DGKB: variants seen among roughly 807,000 people sequenced by gnomAD.
DGKB encodes 90 kDa diacylglycerol kinase.
A neutral mutation model predicts 114.3 loss-of-function variants in DGKB; 67 were observed. The observed-to-expected ratio is 0.59, with a 90% CI of 0.48 to 0.72. The LOEUF (loss-of-function observed/expected upper bound fraction) is 0.72. Among genes scored for constraint, DGKB ranks in the 30% least tolerant of loss-of-function variants. DGKB has a pLI of 0.00. For synonymous variants in DGKB, 398 were observed against 323.1 expected, an observed-to-expected ratio of 1.23 and a Z score of -2.49; for missense variants, 907 against 975.2, an observed-to-expected ratio of 0.93 and a Z score of 0.93.
intron 17 of DGKB, among the ~76,000 whole-genome samples, chr7:14,601,127 G>A (rs1426677087): frequency 3.3e-5 from 5 of 152,194 alleles, no homozygotes; most frequent in Admixed American, 3.3e-4. Flanking sequence ...GCACCAGCTG[G>A]ATGCTGCAAA....
At chr7:14,555,731 A>G (rs1356271594) in intron 20 of DGKB, among the ~76,000 whole-genome samples, 1 of 152,214 alleles carries the variant, frequency 6.6e-6, no homozygotes, top group African/African-American at 2.4e-5. Flanking sequence ...AACAGGTTGT[A>G]GTAAAGAAGC....
At chr7:14,717,422 C>G (rs749650998) in intron 6 of DGKB, among the ~76,000 whole-genome samples, 1 of 152,016 alleles carries the variant, frequency 6.6e-6, no homozygotes, top group Non-Finnish European at 1.5e-5. Context: ...TGGAATGAGA[C>G]AGATTTCTGT....
At chr7:14,948,528 A>G (rs1305089763) in intron 1 of DGKB, among the ~76,000 whole-genome samples, 1 of 151,864 alleles carries the variant, frequency 6.6e-6, no homozygotes, top group Non-Finnish European at 1.5e-5. Context: ...AGATCTGTAT[A>G]CTAAAAAATA....
intron 10 of DGKB, among the ~76,000 whole-genome samples, chr7:14,684,778 T>C (rs1458566538): frequency 6.6e-6 from 1 of 152,186 alleles, no homozygotes; most frequent in Non-Finnish European, 1.5e-5. Context: ...TTCGTATATC[T>C]TGCGATTTCC....
At chr7:14,335,891 C>T (rs1810561666) in intron 23 of DGKB, among the ~76,000 whole-genome samples, 1 of 152,008 alleles carries the variant, frequency 6.6e-6, no homozygotes, top group Non-Finnish European at 1.5e-5. Context: ...GTAGTTGGGA[C>T]TGTAGGCCTG....
chr7:14,289,166 T>A, intron 23 of DGKB, among the ~76,000 whole-genome samples: 1 of 151,996 alleles, frequency 6.6e-6, no homozygotes, highest in Non-Finnish European at 1.5e-5. Context: ...AACTCAATAT[T>A]TAGTGTACAT....
intron 23 of DGKB, among the ~76,000 whole-genome samples, chr7:14,256,583 T>C (rs542942538): frequency 6.6e-6 from 1 of 152,320 alleles, no homozygotes; most frequent in African/African-American, 2.4e-5. Flanking sequence ...TGATCTGTTT[T>C]ACATGTTTTA....
At chr7:14,390,529 A>C (rs1172619858) in intron 21 of DGKB, among the ~76,000 whole-genome samples, 1 of 152,200 alleles carries the variant, frequency 6.6e-6, no homozygotes, top group African/African-American at 2.4e-5. Flanking sequence ...GTGATAATGT[A>C]GGAATAATTT....
chr7:14,911,494 A>G (rs1376701814), intron 1 of DGKB, among the ~76,000 whole-genome samples: 1 of 152,082 alleles, frequency 6.6e-6, no homozygotes, highest in African/African-American at 2.4e-5. Flanking sequence ...TTTTCCTCCC[A>G]CTATGGCTCC....
intron 23 of DGKB, among the ~76,000 whole-genome samples, chr7:14,318,498 A>G (rs1461132092): frequency 6.6e-6 from 1 of 152,236 alleles, no homozygotes; most frequent in Non-Finnish European, 1.5e-5. Flanking sequence ...ACACTTCTCA[A>G]AAGAAGACAT....
At chr7:14,822,950 T>A (rs879862946) in intron 2 of DGKB, among the ~76,000 whole-genome samples, 1 of 152,068 alleles carries the variant, frequency 6.6e-6, no homozygotes, top group Non-Finnish European at 1.5e-5. Flanking sequence ...ATCTTAATTA[T>A]AATTGGATAA....
chr7:14,165,202 T>A (rs1172790081), intron 25 of DGKB, among the ~76,000 whole-genome samples: 2 of 152,178 alleles, frequency 1.3e-5, no homozygotes, highest in African/African-American at 4.8e-5. Context: ...GCTAGGAAAG[T>A]TGACTATTTC....
chr7:14,622,793 T>G (rs916405801), intron 14 of DGKB, among the ~76,000 whole-genome samples: 1 of 152,102 alleles, frequency 6.6e-6, no homozygotes, highest in African/African-American at 2.4e-5. Context: ...GCTTCCTCAT[T>G]GTTCCTTGAT....
At chr7:14,965,589 T>C (rs1396912598) in intron 1 of DGKB, among the ~76,000 whole-genome samples, 1 of 152,082 alleles carries the variant, frequency 6.6e-6, no homozygotes, top group Admixed American at 6.6e-5. Flanking sequence ...ATATTCATGG[T>C]TATCAATTAA....
Position 14,809,172 on chromosome 7 carries a change from A to ATCCCGAAATTTAAGAAT in DGKB, c.70+32005_70+32021dup, listed in dbSNP as rs1233729098. On this transcript the variant is annotated intron_variant, in intron 2 of 25. Coordinates refer to ENST00000402815, the MANE Select transcript of DGKB (RefSeq NM_001350709.2). ...ATCAGAATATCTCAAAAGAAATTCT[A>ATCCCGAAATTTAAGAAT]TCCCGAAATTTAAGAATTCTAACTA... Among the ~76,000 whole-genome samples the ATCCCGAAATTTAAGAAT allele has an allele frequency of 1.4e-4, 21 of 152,268 alleles. No homozygotes were observed. In the East Asian group the frequency reaches 4.1e-3, roughly 29 times the overall value.
chr7:14,786,139 T>TAC (rs367551082), intron 2 of DGKB, among the ~76,000 whole-genome samples: 10,514 of 148,506 alleles, frequency 0.071, 499 homozygotes, highest in African/African-American at 0.13. Context: ...CAGGAACATG[T>TAC]ACACACACAC....
intron 23 of DGKB, among the ~76,000 whole-genome samples, chr7:14,252,764 C>G (rs1165963851): frequency 6.6e-6 from 1 of 152,140 alleles, no homozygotes; most frequent in Admixed American, 6.5e-5. Flanking sequence ...AAGTCTGGGG[C>G]CAGAGTCCAC....
At chr7:14,192,786 C>T (rs1784488710) in intron 23 of DGKB, among the ~76,000 whole-genome samples, 1 of 151,680 alleles carries the variant, frequency 6.6e-6, no homozygotes, top group African/African-American at 2.4e-5. Flanking sequence ...TTATGTATTA[C>T]AATGTAATAA....
intron 23 of DGKB, among the ~76,000 whole-genome samples, chr7:14,285,376 T>G (rs1183569388): frequency 6.6e-6 from 1 of 152,170 alleles, no homozygotes; most frequent in South Asian, 2.1e-4. Context: ...GGTGGGAGGA[T>G]GTAGTAAGTA....
Sources: allele counts gnomAD v4.1 joint callset (sites outside exome capture counted in the v4.1 genomes callset), GRCh38; gene constraint gnomAD v4.1.1; transcripts MANE v1.5; gene names NCBI Gene and HGNC (gene_info 2026-07-23, HGNC 2026-07-21).